DGKB: variants seen among roughly 807,000 people sequenced by gnomAD.
DGKB encodes the protein diacylglycerol kinase beta.
In DGKB, 67 loss-of-function variants were observed where a neutral mutation model predicts 114.3. The ratio of observed to expected loss-of-function variants is 0.59; its 90% CI spans 0.48 to 0.72. The LOEUF is 0.72. Ranked by LOEUF, DGKB falls within the 30% of genes least tolerant of loss-of-function variation. DGKB has a pLI of 0.00. For missense variants in DGKB, 907 were observed against 975.2 expected (o/e 0.93, Z 0.93); for synonymous variants, 398 against 323.1 (o/e 1.23, Z -2.49).
At chr7:14,325,648 A>G (rs770067785) in intron 23 of DGKB, among the ~76,000 whole-genome samples, 12 of 152,204 alleles carry the variant, frequency 7.9e-5, no homozygotes, top group Non-Finnish European at 1.5e-4. Flanking sequence ...TCTTCATTAG[A>G]ACAGGTTTAA....
chr7:14,166,925 G>A (rs1200025670), intron 25 of DGKB, among the ~76,000 whole-genome samples: 2 of 152,052 alleles, frequency 1.3e-5, no homozygotes, highest in East Asian at 3.9e-4. Flanking sequence ...CGTTAATCAG[G>A]CCAGACACAG....
At chr7:14,566,626 G>C (rs939136741) in intron 20 of DGKB, among the ~76,000 whole-genome samples, 1 of 152,094 alleles carries the variant, frequency 6.6e-6, no homozygotes. Flanking sequence ...CCACTTAAAA[G>C]GCAAATATCA....
chr7:14,574,183 C>G (rs754969499), intron 20 of DGKB, 29 bp downstream of exon 20: 1 of 1,597,180 alleles, frequency 6.3e-7, no homozygotes, highest in South Asian at 1.1e-5. Flanking sequence ...AGTACAGGTA[C>G]AAAGGTAAAA....
chr7:14,553,115 C>T (rs1344250826), intron 20 of DGKB, among the ~76,000 whole-genome samples: 1 of 152,184 alleles, frequency 6.6e-6, no homozygotes, highest in East Asian at 1.9e-4. Flanking sequence ...TCAAGCAGCT[C>T]AGCACAGATG....
chr7:14,222,614 G>A (rs2128325590), intron 23 of DGKB, among the ~76,000 whole-genome samples: 1 of 151,474 alleles, frequency 6.6e-6, no homozygotes, highest in Admixed American at 6.6e-5. Flanking sequence ...GTTGGCTGGA[G>A]TTTTATATAA....
chr7:14,948,093 T>A (rs28450986), intron 1 of DGKB, among the ~76,000 whole-genome samples: 6,674 of 151,818 alleles, frequency 0.044, 437 homozygotes, highest in African/African-American at 0.15. Flanking sequence ...AAGGGGGCCG[T>A]ATCAACAAAA....
At chr7:14,527,630 A>G (rs1790855723) in intron 20 of DGKB, among the ~76,000 whole-genome samples, 1 of 152,072 alleles carries the variant, frequency 6.6e-6, no homozygotes, top group African/African-American at 2.4e-5. Flanking sequence ...GAAGTGTAGG[A>G]TAAGATTATC....
At chr7:14,280,220 C>A (rs1799725164) in intron 23 of DGKB, among the ~76,000 whole-genome samples, 1 of 152,076 alleles carries the variant, frequency 6.6e-6, no homozygotes, top group African/African-American at 2.4e-5. Flanking sequence ...AATGCAGAAG[C>A]CTCAGGAGCT....
chr7:14,835,809 A>C (rs1847076918), intron 2 of DGKB, among the ~76,000 whole-genome samples: 1 of 152,166 alleles, frequency 6.6e-6, no homozygotes, highest in South Asian at 2.1e-4. Flanking sequence ...TCTTCATGAA[A>C]AACATAAACA....
chr7:14,468,753 C>A (rs543040922), intron 21 of DGKB, among the ~76,000 whole-genome samples: 82 of 149,460 alleles, frequency 5.5e-4, no homozygotes, highest in Admixed American at 1.2e-3. Flanking sequence ...TAAGAAAATA[C>A]TTAAACTTGA....
chr7:14,782,939 C>A (rs931806507), intron 2 of DGKB, among the ~76,000 whole-genome samples: 8 of 152,038 alleles, frequency 5.3e-5, no homozygotes, highest in African/African-American at 1.9e-4. Flanking sequence ...CTCAAGAAAT[C>A]CCCCAGCCTC....
At chr7:14,183,504 T>C (rs1371670632) in intron 23 of DGKB, among the ~76,000 whole-genome samples, 1 of 152,190 alleles carries the variant, frequency 6.6e-6, no homozygotes, top group East Asian at 1.9e-4. Context: ...GGTCTATTAA[T>C]AAAGGAGAAA....
chr7:14,196,870 A>C (rs1355585612), intron 23 of DGKB, among the ~76,000 whole-genome samples: 1 of 152,092 alleles, frequency 6.6e-6, no homozygotes, highest in African/African-American at 2.4e-5. Context: ...TCTGTGAAAA[A>C]GTTTTCATTG....
chr7:14,641,508 A>G (rs1308884111), intron 13 of DGKB, among the ~76,000 whole-genome samples: 2 of 151,958 alleles, frequency 1.3e-5, no homozygotes, highest in East Asian at 1.9e-4. Flanking sequence ...AAAAAAAAAA[A>G]AGGCTGTGCC....
At chr7:14,483,090 G>T (rs2128915871) in intron 20 of DGKB, among the ~76,000 whole-genome samples, 1 of 151,254 alleles carries the variant, frequency 6.6e-6, no homozygotes, top group East Asian at 2.0e-4. Context: ...CATAAATTAT[G>T]TTTTTTATTA....
At chr7:14,651,155 G>C (rs1814389895) in intron 13 of DGKB, among the ~76,000 whole-genome samples, 1 of 152,124 alleles carries the variant, frequency 6.6e-6, no homozygotes, top group Non-Finnish European at 1.5e-5. Flanking sequence ...GATGAGGCCA[G>C]CATCATTCTG....
chr7:14,259,520 G>A lies in DGKB; in HGVS notation c.2122+78995C>T, dbSNP rs183258326. On this transcript the variant is annotated intron_variant, in intron 23 of 25. Coordinates refer to ENST00000402815, the MANE Select transcript of DGKB (RefSeq NM_001350709.2). ...CGGCTCACTGCAACTTCTGCATCCCGGCTTCAAGTCATTCTCCTGCCTCAG... is the reference window on the plus strand; with the variant it reads ...CGGCTCACTGCAACTTCTGCATCCCAGCTTCAAGTCATTCTCCTGCCTCAG... 3.2e-3 allele frequency among the ~76,000 whole-genome samples: 433 copies of A among 137,226 alleles called. 2 individuals are homozygous for A. The highest frequency in any genetic ancestry group is 0.01 in the African/African-American group (413 of 40,452). The allele number at this position is 137,226 out of a possible 152,430, so 90.0% of individuals were successfully genotyped here. A position where few individuals can be genotyped will look rare whatever the true frequency, so the allele number is the denominator to read the frequency against.
At chr7:14,828,738 C>G (rs895910151) in intron 2 of DGKB, among the ~76,000 whole-genome samples, 1 of 152,116 alleles carries the variant, frequency 6.6e-6, no homozygotes, top group African/African-American at 2.4e-5. Context: ...TCTGCATTAA[C>G]AGATGAAGAC....
intron 20 of DGKB, among the ~76,000 whole-genome samples, chr7:14,551,498 A>T (rs1230108170): frequency 1.3e-5 from 2 of 152,182 alleles, no homozygotes; most frequent in Non-Finnish European, 2.9e-5. Flanking sequence ...AAGAGTGTCC[A>T]AATTGGAACT....
Sources: allele counts gnomAD v4.1 joint callset (sites outside exome capture counted in the v4.1 genomes callset), GRCh38; gene constraint gnomAD v4.1.1; transcripts MANE v1.5; gene names NCBI Gene and HGNC (gene_info 2026-07-23, HGNC 2026-07-21).